The following RGS7 variants were observed in gnomAD, a reference collection of about 807,000 sequenced individuals.
RGS7 encodes the protein regulator of G protein signaling 7, also known as regulator of G-protein signaling 7.
RGS7 carries 27 observed loss-of-function variants against 81.1 expected under a neutral mutation model. That is an observed-to-expected ratio of 0.33 (90% CI 0.25 to 0.46). The LOEUF is 0.46. Ranked by LOEUF, RGS7 falls within the 20% of genes least tolerant of loss-of-function variation. RGS7 has a pLI of 1.00. For missense variants in RGS7, 396 were observed against 607.4 expected (o/e 0.65, Z 3.66); for synonymous variants, 208 against 207.7 (o/e 1.00, Z -0.01).
chr1:240,940,113 C>T (rs1232671264), intron 4 of RGS7, among the ~76,000 whole-genome samples: 2 of 152,160 alleles, frequency 1.3e-5, no homozygotes, highest in African/African-American at 4.8e-5. Flanking sequence ...AAGAAATAAA[C>T]TTAATCAAGT....
chr1:241,268,411 A>C lies in RGS7; in HGVS notation c.78+87288T>G, dbSNP rs1388156173. Among the ~76,000 whole-genome samples the C allele has an allele frequency of 3.3e-5, 5 of 152,068 alleles. No individual in the cohort carries two copies. In the South Asian group the frequency reaches 8.3e-4, roughly 25 times the overall value. On this transcript the variant is annotated intron_variant, in intron 2 of 18. Coordinates refer to ENST00000440928, the MANE Select transcript of RGS7 (RefSeq NM_001364886.1). ...TTTAGCAGATCTCTGGCCTCTACCC[A>C]CTACACGCCAGGAGCACCCCCCAAG...
rs183877589 is a variant in RGS7, at chr1:240,933,075, G to T, written c.334-2307C>A. Among the ~76,000 whole-genome samples the T allele has an allele frequency of 6.2e-4, 93 of 149,052 alleles. 1 individual carries two copies. Among genetic ancestry groups the T allele is most frequent in the Middle Eastern group, 7.0e-3 (2 of 284 alleles). ...TTTTTTGTATTTTCAGTAGAGACGG[G>T]GTTTCACCGTGTTAGCCAGGATGGT... On this transcript the variant is annotated intron_variant, in intron 5 of 18. Transcript: ENST00000440928.
At chr1:241,304,647 C>G (rs961383435) in intron 2 of RGS7, among the ~76,000 whole-genome samples, 26 of 152,092 alleles carry the variant, frequency 1.7e-4, no homozygotes, top group African/African-American at 6.3e-4. Flanking sequence ...CTTGTCTTAA[C>G]AAAGCTCTGA....
At chr1:241,234,877 C>T (rs1470965231) in intron 2 of RGS7, among the ~76,000 whole-genome samples, 1 of 151,942 alleles carries the variant, frequency 6.6e-6, no homozygotes. Flanking sequence ...GGAAAAAAAG[C>T]TTTATGGAAT....
intron 4 of RGS7, among the ~76,000 whole-genome samples, chr1:240,955,823 A>G (rs1680319938): frequency 1.3e-5 from 2 of 152,164 alleles, no homozygotes; most frequent in Non-Finnish European, 1.5e-5. Flanking sequence ...TTATGTAAAA[A>G]AGAAAGGCCT....
At chr1:241,041,236 C>A (rs1171972556) in intron 3 of RGS7, among the ~76,000 whole-genome samples, 6 of 152,130 alleles carry the variant, frequency 3.9e-5, no homozygotes, top group African/African-American at 1.4e-4. Flanking sequence ...GAATTACTCT[C>A]CACCACAACA....
intron 2 of RGS7, among the ~76,000 whole-genome samples, chr1:241,135,248 A>G (rs2103058522): frequency 6.6e-6 from 1 of 152,244 alleles, no homozygotes; most frequent in Admixed American, 6.5e-5. Context: ...AACACGGTGA[A>G]ACCCTGTCTC....
chr1:241,252,942 C>G (rs560126472), intron 2 of RGS7, among the ~76,000 whole-genome samples: 68 of 152,306 alleles, frequency 4.5e-4, no homozygotes, highest in Non-Finnish European at 8.2e-4. Context: ...GTTAGCAGTA[C>G]TCATCCTCTG....
intron 6 of RGS7, among the ~76,000 whole-genome samples, chr1:240,913,343 T>C (rs1672069965): frequency 6.6e-6 from 1 of 152,222 alleles, no homozygotes; most frequent in South Asian, 2.1e-4. Context: ...GTAAATCAGA[T>C]GTTTTAGTCC....
chr1:240,943,230 A>G (rs1677904173), intron 4 of RGS7, among the ~76,000 whole-genome samples: 1 of 152,212 alleles, frequency 6.6e-6, no homozygotes, highest in South Asian at 2.1e-4. Context: ...GCAGAGTACA[A>G]AGGCTATGCC....
At chr1:241,189,632 A>G (rs1386771240) in intron 2 of RGS7, among the ~76,000 whole-genome samples, 1 of 152,076 alleles carries the variant, frequency 6.6e-6, no homozygotes, top group African/African-American at 2.4e-5. Context: ...TTTTCTTTAC[A>G]CTTTTTATAA....
At chr1:241,003,460 C>CAAAAAAAA (rs554768415) in intron 3 of RGS7, among the ~76,000 whole-genome samples, 1 of 83,360 alleles carries the variant, frequency 1.2e-5, no homozygotes, top group African/African-American at 5.1e-5. Flanking sequence ...GACTCCGTCT[C>CAAAAAAAA]AAAAAAAAAA....
At chr1:240,775,348 A>G (rs976691774), downstream of RGS7, among the ~76,000 whole-genome samples, 13 of 152,214 alleles carry the variant, frequency 8.5e-5, no homozygotes, top group African/African-American at 2.9e-4. Context: ...TAAGCCTCCA[A>G]AAAATATTTC....
intron 9 of RGS7, among the ~76,000 whole-genome samples, chr1:240,837,477 C>T (rs1694914191): frequency 6.6e-6 from 1 of 152,202 alleles, no homozygotes; most frequent in South Asian, 2.1e-4. Flanking sequence ...CATAATTGAA[C>T]TGGCATTTTG....
In RGS7 at chr1:241,080,218, A is replaced by G. The variant is rs183958948; in HGVS notation, c.175+18448T>C. On this transcript the variant is annotated intron_variant, in intron 3 of 18. Transcript: ENST00000440928. ...TAAAGGATGAGGCATGAAAAAAACA[A>G]TTAATAAACCTTTTATCTTCCTGGA... Among the ~76,000 whole-genome samples the G allele has an allele frequency of 2.9e-4, 44 of 152,242 alleles. No individual in the cohort carries two copies. The East Asian group carries it at 7.5e-3, about 26-fold the overall frequency.
intron 4 of RGS7, among the ~76,000 whole-genome samples, chr1:240,962,642 G>A (rs1681658798): frequency 6.6e-6 from 1 of 152,060 alleles, no homozygotes; most frequent in Non-Finnish European, 1.5e-5. Context: ...AGTGTGTTCT[G>A]GAAAAACATT....
intron 3 of RGS7, among the ~76,000 whole-genome samples, chr1:241,092,705 T>C (rs190610123): frequency 1.1e-3 from 168 of 152,268 alleles, no homozygotes; most frequent in Admixed American, 7.6e-3. Flanking sequence ...TCCCCACTTG[T>C]ATGGGGCAGA....
At chr1:240,836,100 A>T (rs1340763501) in intron 9 of RGS7, among the ~76,000 whole-genome samples, 1 of 123,614 alleles carries the variant, frequency 8.1e-6, no homozygotes, top group Non-Finnish European at 1.6e-5. Flanking sequence ...ATGATATATC[A>T]GTGTCGGTTA....
rs199591879 is a variant in RGS7 at position 240,800,671 on chromosome 1, C to T, written c.1464G>A (p.Leu488=). The change falls in exon 18 of 19, where the codon CTG becomes CTA. Residue 488 remains leucine, a synonymous_variant. Coordinates refer to ENST00000440928, the MANE Select transcript of RGS7 (RefSeq NM_001364886.1). ...FPCHKNCTPT[L]RASTNLL ...TTCATAACAGGTTAGTGCTGGCCCT[C>T]AGTGTTGGTGTACAGTTTTTATGGC... The T allele has an allele frequency of 2.5e-4, 394 of 1,547,766 alleles. 1 individual carries two copies. The highest frequency in any genetic ancestry group is 2.2e-4 in the Non-Finnish European group (252 of 1,144,952).
Sources: allele counts gnomAD v4.1 joint callset (sites outside exome capture counted in the v4.1 genomes callset), GRCh38; gene constraint gnomAD v4.1.1; transcripts MANE v1.5; gene names NCBI Gene and HGNC (gene_info 2026-07-23, HGNC 2026-07-21).